The following NRXN1 variants were observed in gnomAD, a reference collection of about 807,000 sequenced individuals.
The protein encoded by NRXN1 is neurexin 1, also known as neurexin-1.
A neutral mutation model predicts 150.9 loss-of-function variants in NRXN1; 39 were observed. That is an observed-to-expected ratio of 0.26 (90% CI 0.20 to 0.34). The LOEUF is 0.34. Among genes scored for constraint, NRXN1 ranks in the 10% least tolerant of loss-of-function variants. NRXN1 has a pLI of 1.00. For missense variants in NRXN1, 1,815 were observed against 1,949.9 expected (o/e 0.93, Z 1.30); for synonymous variants, 924 against 757.0 (o/e 1.22, Z -3.62).
intron 17 of NRXN1, among the ~76,000 whole-genome samples, chr2:50,431,814 G>C (rs1244593585): frequency 1.3e-5 from 2 of 151,860 alleles, no homozygotes; most frequent in African/African-American, 4.8e-5. Flanking sequence ...GTTGACTTTT[G>C]CACAAGATGG....
intron 5 of NRXN1, among the ~76,000 whole-genome samples, chr2:50,771,316 C>T (rs1702987894): frequency 1.3e-5 from 2 of 151,986 alleles, no homozygotes. Flanking sequence ...TATTCAACTG[C>T]TTGAGAACTT....
chr2:49,921,914 C>G lies in NRXN1; in HGVS notation c.*30G>C. 6.2e-7 allele frequency: 1 copy of G among 1,600,726 alleles called. No individual in the cohort carries two copies. Among genetic ancestry groups the G allele is most frequent in the South Asian group, 1.1e-5 (1 of 90,726 alleles). On this transcript the variant is annotated 3_prime_UTR_variant, in exon 23 of 23. Coordinates refer to ENST00000401669, the MANE Select transcript of NRXN1 (RefSeq NM_001330078.2). ...GTCTCAGATAAAATGAAGACTATTT[C>G]TATACAAGTGTCCATTTAAGATCTT...
chr2:50,429,817 A>G (rs1333058824), intron 17 of NRXN1, among the ~76,000 whole-genome samples: 1 of 152,178 alleles, frequency 6.6e-6, no homozygotes, highest in African/African-American at 2.4e-5. Flanking sequence ...TTGTGGGCAT[A>G]ATGGAATAAG....
At chr2:50,800,911 AT>A (rs1326226845) in intron 5 of NRXN1, among the ~76,000 whole-genome samples, 1 of 152,144 alleles carries the variant, frequency 6.6e-6, no homozygotes, top group African/African-American at 2.4e-5. Flanking sequence ...ATTTGGAACT[AT>A]TTTTTAATTC....
intron 18 of NRXN1, among the ~76,000 whole-genome samples, chr2:50,164,977 G>T (rs529888093): frequency 6.6e-6 from 1 of 152,078 alleles, no homozygotes; most frequent in African/African-American, 2.4e-5. Context: ...TATACATGAG[G>T]AGAGAGAGGT....
chr2:50,302,346 G>A (rs2074232509), intron 17 of NRXN1, among the ~76,000 whole-genome samples: 1 of 151,964 alleles, frequency 6.6e-6, no homozygotes, highest in African/African-American at 2.4e-5. Context: ...AGAGCCATAG[G>A]GCTTTTTGTA....
intron 12 of NRXN1, among the ~76,000 whole-genome samples, chr2:50,514,564 G>T (rs1253729813): frequency 2.6e-5 from 4 of 152,176 alleles, no homozygotes. Context: ...CACTTTTTCT[G>T]TAAAGGGCCA....
At chr2:50,237,092 T>A (rs2065521102) in intron 17 of NRXN1, 122 bp from the exon 18 acceptor site, 2 of 968,734 alleles carry the variant, frequency 2.1e-6, no homozygotes, top group South Asian at 1.4e-5. Context: ...GCAAAGTAAA[T>A]CATAGATTTC....
intron 17 of NRXN1, among the ~76,000 whole-genome samples, chr2:50,379,762 A>G (rs908714169): frequency 2.0e-5 from 3 of 152,326 alleles, no homozygotes; most frequent in Admixed American, 6.5e-5. Context: ...ACTAAACAAT[A>G]AACAGAATAC....
Position 51,028,221 on chromosome 2 carries a change from A to G in NRXN1, c.53T>C (p.Leu18Pro). 2 of 1,478,600 alleles carry G rather than the reference A, an allele frequency of 1.4e-6. No homozygotes were observed. Among genetic ancestry groups the G allele is most frequent in the Non-Finnish European group, 1.8e-6 (2 of 1,121,776 alleles). 91.6% of individuals were successfully genotyped at this position (1,478,600 alleles called of 1,614,324 possible). ...RGGCFLLCLS[L>P]LLLGCWAELG... ...CTCCGCCCAGCAGCCCAGGAGCAGC[A>G]GCGAGAGGCACAGAAGAAAACAGCC... Residue 18 changes from leucine to proline, a missense_variant, in exon 2 of 23, where the codon CTG (leucine) becomes CCG (proline). Leu to Pro is a moderately conservative substitution (Grantham distance 98). This residue lies in a region of NRXN1 where 554 missense variants were observed against 478.8 expected (regional missense o/e 1.16). Coordinates refer to ENST00000401669, the MANE Select transcript of NRXN1 (RefSeq NM_001330078.2).
At chr2:50,696,184 GT>G (rs1209776956) in intron 5 of NRXN1, 109 of 117,768 alleles carry the variant, frequency 9.3e-4, no homozygotes, top group African/African-American at 3.4e-3. Flanking sequence ...ACGTGTGTGT[GT>G]GTGTGTGTGT....
At chr2:50,018,221 C>A (rs948310377) in intron 21 of NRXN1, among the ~76,000 whole-genome samples, 2 of 152,172 alleles carry the variant, frequency 1.3e-5, no homozygotes, top group Non-Finnish European at 2.9e-5. Flanking sequence ...GCACCTCTAG[C>A]ATATAAGGCT....
chr2:50,571,744 A>T (rs912016690), intron 8 of NRXN1, among the ~76,000 whole-genome samples: 5 of 152,158 alleles, frequency 3.3e-5, no homozygotes, highest in Non-Finnish European at 7.3e-5. Flanking sequence ...AAAAGCAAAT[A>T]ACTAAAATGC....
chr2:50,381,568 C>T (rs2080971497), intron 17 of NRXN1, among the ~76,000 whole-genome samples: 1 of 143,776 alleles, frequency 7.0e-6, no homozygotes, highest in African/African-American at 2.7e-5. Context: ...CACACACACA[C>T]ACACAATCTG....
At chr2:50,020,635 C>A (rs1200836247) in intron 21 of NRXN1, among the ~76,000 whole-genome samples, 1 of 152,166 alleles carries the variant, frequency 6.6e-6, no homozygotes, top group African/African-American at 2.4e-5. Context: ...CTCTGTTTCA[C>A]TTCTCAGGAG....
chr2:50,790,135 C>CCACACACACACACA (rs61580117), intron 5 of NRXN1, among the ~76,000 whole-genome samples: 1 of 146,854 alleles, frequency 6.8e-6, no homozygotes, highest in African/African-American at 2.5e-5. Context: ...TTCCCTCCCA[C>CCACACACACACACA]CACACACACA....
chr2:50,100,460 C>T (rs565376580), intron 18 of NRXN1, among the ~76,000 whole-genome samples: 1 of 152,214 alleles, frequency 6.6e-6, no homozygotes, highest in South Asian at 2.1e-4. Flanking sequence ...CACTAAGTGA[C>T]TGGCTGCTGG....
chr2:50,981,090 T>C (rs2104883086), intron 2 of NRXN1, among the ~76,000 whole-genome samples: 1 of 152,224 alleles, frequency 6.6e-6, no homozygotes, highest in Admixed American at 6.5e-5. Flanking sequence ...GTCCAAGCCC[T>C]TCTGTTGAGG....
intron 5 of NRXN1, among the ~76,000 whole-genome samples, chr2:50,855,754 C>T (rs1480304750): frequency 6.6e-6 from 1 of 152,048 alleles, no homozygotes; most frequent in Non-Finnish European, 1.5e-5. Context: ...GACAAACATT[C>T]ATTGAATATC....
Sources: allele counts gnomAD v4.1 joint callset (sites outside exome capture counted in the v4.1 genomes callset), GRCh38; gene constraint gnomAD v4.1.1; regional missense constraint gnomAD v4.1.1; transcripts MANE v1.5; gene names NCBI Gene and HGNC (gene_info 2026-07-23, HGNC 2026-07-21).